Variants in STAMBPL1 observed in about 807,000 individuals in gnomAD.
The protein encoded by STAMBPL1 is STAM binding protein like 1.
In STAMBPL1, 44 loss-of-function variants were observed where a neutral mutation model predicts 52.9. That is an observed-to-expected ratio of 0.83 (90% confidence interval 0.65 to 1.07). STAMBPL1 has a LOEUF of 1.07. STAMBPL1 is among the 50% of genes least tolerant of loss of function. The pLI, the probability that STAMBPL1 is intolerant of heterozygous loss-of-function variation, is 0.00. For missense variants in STAMBPL1, 511 were observed against 520.8 expected, an observed-to-expected ratio of 0.98 and a Z score of 0.18; for synonymous variants, 164 against 177.3, an observed-to-expected ratio of 0.92 and a Z score of 0.60.
chr10:88,888,534 A>G (rs1223418271), intron 1 of STAMBPL1, among the ~76,000 whole-genome samples: 2 of 152,180 alleles, frequency 1.3e-5, no homozygotes, highest in Admixed American at 1.3e-4. Context: ...CTGTGTTCCT[A>G]AAGGTCTATA....
intron 1 of STAMBPL1, among the ~76,000 whole-genome samples, chr10:88,888,187 G>GT (rs1844586436): frequency 6.6e-6 from 1 of 152,214 alleles, no homozygotes; most frequent in Admixed American, 6.5e-5. Flanking sequence ...TCAAAGGAAA[G>GT]TAAGAGAAGA....
At chr10:88,922,258 T>C in intron 9 of STAMBPL1, 79 bp from the exon 10 acceptor site, 1 of 1,271,410 alleles carries the variant, frequency 7.9e-7, no homozygotes, top group Non-Finnish European at 1.1e-6. Context: ...AATATGTATG[T>C]GTGTGCTGTT....
rs758749567 is a variant in STAMBPL1 at position 88,916,739 on chromosome 10, C to G, written c.963C>G (p.Asp321Glu). Residue 321 changes from aspartate (D) to glutamate (E), a missense_variant, in exon 8 of 11, where the codon GAC becomes GAG. By Grantham distance (45) the Asp-to-Glu change is conservative (BLOSUM62 2). Coordinates refer to ENST00000371926, the MANE Select transcript of STAMBPL1 (RefSeq NM_020799.4). The stretch of plus-strand genomic sequence containing the variant: ...TGCCAAAGCAGTCTGCGGGACCAGA[C>G]TATTGTGACATGGAGAATGTAGAGG... ...VIVPKQSAGP[D>E]YCDMENVEEL... 4 of 1,609,838 alleles carry G rather than the reference C, an allele frequency of 2.5e-6. No individual in the cohort carries two copies. In the African/African-American group the frequency reaches 5.4e-5, roughly 22 times the overall value.
At chr10:88,897,205 C>A (rs1166112062) in intron 1 of STAMBPL1, among the ~76,000 whole-genome samples, 2 of 152,180 alleles carry the variant, frequency 1.3e-5, no homozygotes, top group African/African-American at 4.8e-5. Flanking sequence ...TTGGCCACAT[C>A]CCCTCTGGGC....
At chr10:88,917,893 A>G (rs1845409816) in intron 8 of STAMBPL1, among the ~76,000 whole-genome samples, 1 of 152,148 alleles carries the variant, frequency 6.6e-6, no homozygotes, top group South Asian at 2.1e-4. Flanking sequence ...TTCCATGAGC[A>G]GCCTTCACTA....
intron 5 of STAMBPL1, 72 bp from the exon 6 acceptor site, chr10:88,913,029 G>A: frequency 7.6e-7 from 1 of 1,316,518 alleles, no homozygotes. Context: ...CTTGAAGACT[G>A]AAAATGTCTA....
chr10:88,893,082 T>G (rs1844727182), intron 1 of STAMBPL1, among the ~76,000 whole-genome samples: 1 of 152,236 alleles, frequency 6.6e-6, no homozygotes, highest in Non-Finnish European at 1.5e-5. Context: ...TCTTTAGAAA[T>G]GCATTATTTC....
rs59706947 is a variant in STAMBPL1 at position 88,919,591 on chromosome 10, C to G, written c.1042-1692C>G. Among the ~76,000 whole-genome samples, 549 of 152,190 alleles carry G rather than the reference C, an allele frequency of 3.6e-3. 4 individuals carry two copies. The highest frequency in any genetic ancestry group is 0.013 in the African/African-American group (522 of 41,528). ...TCTTTGAACAATTTTTAATTTCTCA[C>G]GAAGACATAGACGGCTCTATTTTAC... On this transcript the variant is annotated intron_variant, in intron 8 of 10. Transcript: ENST00000371926.
At chr10:88,919,406 C>G (rs777161120) in intron 8 of STAMBPL1, among the ~76,000 whole-genome samples, 3 of 152,172 alleles carry the variant, frequency 2.0e-5, no homozygotes, top group African/African-American at 7.2e-5. Flanking sequence ...GAGCCTCATT[C>G]TCCCATGGGA....
At chr10:88,881,097 C>G (rs922453043) in intron 1 of STAMBPL1, among the ~76,000 whole-genome samples, 1 of 152,114 alleles carries the variant, frequency 6.6e-6, no homozygotes. Context: ...ACCTTTACCC[C>G]GGCCGAGCAG....
chr10:88,910,852 C>T, intron 4 of STAMBPL1, 64 bp from the exon 5 acceptor site: 1 of 1,193,202 alleles, frequency 8.4e-7, no homozygotes, highest in Non-Finnish European at 1.2e-6. Context: ...TTCTTTCTCA[C>T]CTGATGATCT....
chr10:88,911,934 CT>C (rs140186950), intron 5 of STAMBPL1, among the ~76,000 whole-genome samples: 19,689 of 152,220 alleles, frequency 0.13, 1,418 homozygotes, highest in African/African-American at 0.15. Flanking sequence ...TTCAAGTCTC[CT>C]TTCCACGGTC....
intron 8 of STAMBPL1, among the ~76,000 whole-genome samples, chr10:88,917,760 A>G (rs1476074549): frequency 1.3e-5 from 2 of 152,180 alleles, no homozygotes; most frequent in Non-Finnish European, 2.9e-5. Context: ...TTTTGCTGCT[A>G]TAACAAAATG....
At chr10:88,885,744 G>A (rs937983265) in intron 1 of STAMBPL1, among the ~76,000 whole-genome samples, 1 of 152,182 alleles carries the variant, frequency 6.6e-6, no homozygotes, top group Non-Finnish European at 1.5e-5. Context: ...TTGACTTGTT[G>A]AAGTAATTAT....
intron 1 of STAMBPL1, among the ~76,000 whole-genome samples, chr10:88,899,686 T>A (rs1043188878): frequency 6.6e-6 from 1 of 152,044 alleles, no homozygotes; most frequent in African/African-American, 2.4e-5. Flanking sequence ...ATTTTTGTAT[T>A]TTCAGTAGAG....
intron 4 of STAMBPL1, among the ~76,000 whole-genome samples, chr10:88,910,522 T>C (rs145188059): frequency 7.2e-5 from 11 of 152,300 alleles, no homozygotes; most frequent in Non-Finnish European, 1.3e-4. Context: ...CTATCCACCA[T>C]ATATTCTCTC....
intron 5 of STAMBPL1, among the ~76,000 whole-genome samples, chr10:88,911,897 A>G (rs1309339415): frequency 6.6e-6 from 1 of 152,092 alleles, no homozygotes; most frequent in East Asian, 1.9e-4. Context: ...AGACAAAGCA[A>G]CAACAGCAAG....
chr10:88,884,255 C>T (rs996195588), intron 1 of STAMBPL1, among the ~76,000 whole-genome samples: 2 of 152,192 alleles, frequency 1.3e-5, no homozygotes, highest in African/African-American at 2.4e-5. Context: ...CATAATGAAA[C>T]GTGGCCGTTC....
chr10:88,902,491 T>C (rs1039587252), intron 2 of STAMBPL1, among the ~76,000 whole-genome samples: 1 of 152,134 alleles, frequency 6.6e-6, no homozygotes, highest in Non-Finnish European at 1.5e-5. Context: ...CTAAATACCC[T>C]GTACGCACAA....
Sources: gnomAD v4.1 joint callset for allele counts (sites outside exome capture counted in the v4.1 genomes callset) on GRCh38, gnomAD v4.1.1 for gene constraint, MANE v1.5 for transcripts, NCBI Gene and HGNC (gene_info 2026-07-23, HGNC 2026-07-21) for gene names.